Variants in TJP1 observed in about 807,000 individuals in gnomAD.
The protein encoded by TJP1 is tight junction protein ZO-1.
In TJP1, 43 loss-of-function variants were observed where a neutral mutation model predicts 194.2. The ratio of observed to expected loss-of-function variants is 0.22; its 90% CI spans 0.17 to 0.29. The LOEUF (loss-of-function observed/expected upper bound fraction) is 0.29. Ranked by LOEUF, TJP1 falls within the 10% of genes least tolerant of loss-of-function variation. The probability of loss-of-function intolerance (pLI) is 1.00; values close to 1 mark genes in which losing one functional copy is unlikely to be tolerated. For missense variants in TJP1, 1,971 were observed against 2,185.7 expected, an observed-to-expected ratio of 0.90 and a Z score of 1.96; for synonymous variants, 801 against 779.0, an observed-to-expected ratio of 1.03 and a Z score of -0.47.
intron 2 of TJP1, among the ~76,000 whole-genome samples, chr15:29,925,172 C>G (rs2054487067): frequency 6.6e-6 from 1 of 152,228 alleles, no homozygotes; most frequent in Non-Finnish European, 1.5e-5. Context: ...AGAGGGGCAG[C>G]AACCAGTCCT....
At chr15:29,775,312 C>T (rs939260675) in intron 2 of TJP1, among the ~76,000 whole-genome samples, 1 of 114,708 alleles carries the variant, frequency 8.7e-6, no homozygotes, top group African/African-American at 3.3e-5. Flanking sequence ...GGCGAAAGTC[C>T]TCCATTTAAT....
intron 2 of TJP1, among the ~76,000 whole-genome samples, chr15:29,780,615 T>C (rs191300113): frequency 5.3e-5 from 8 of 152,234 alleles, no homozygotes; most frequent in Non-Finnish European, 4.4e-5. Flanking sequence ...TAATGGATAC[T>C]GAGTAGCAGA....
At chr15:29,878,490 A>G (rs532205811) in intron 2 of TJP1, among the ~76,000 whole-genome samples, 1 of 152,292 alleles carries the variant, frequency 6.6e-6, no homozygotes, top group South Asian at 2.1e-4. Context: ...TCAAATAAAT[A>G]CCTCATTTTT....
Position 29,822,265 on chromosome 15 carries a change from C to G in TJP1, c.-237G>C. 1.7e-6 allele frequency: 2 copies of G among 1,159,544 alleles called. No individual in the cohort carries two copies. Among genetic ancestry groups the G allele is most frequent in the Non-Finnish European group, 2.1e-6 (2 of 941,198 alleles). The allele number at this position is 1,159,544 out of a possible 1,614,324, so 71.8% of individuals were successfully genotyped here. A position where few individuals can be genotyped will look rare whatever the true frequency, so the allele number is the denominator to read the frequency against. ...GGCGCGCCCGACCGGCACCTCCCTC[C>G]GAGCGCGGCCACCCACTCGGCCTCC... On this transcript the variant is annotated 5_prime_UTR_variant, in exon 1 of 28. Coordinates refer to ENST00000614355, the MANE Select transcript of TJP1 (RefSeq NM_001330239.4).
At chr15:29,914,431 C>A (rs2054119342) in intron 2 of TJP1, among the ~76,000 whole-genome samples, 1 of 152,124 alleles carries the variant, frequency 6.6e-6, no homozygotes, top group Non-Finnish European at 1.5e-5. Flanking sequence ...AGCCAGGCAG[C>A]AGCAGGACAG....
intron 18 of TJP1, among the ~76,000 whole-genome samples, chr15:29,724,195 G>A (rs540485639): frequency 1.3e-5 from 2 of 152,254 alleles, no homozygotes; most frequent in East Asian, 3.9e-4. Context: ...CTGCCTTCCT[G>A]ATAAGAAAGA....
At chr15:29,756,606 GT>G (rs1407114816) in intron 8 of TJP1, among the ~76,000 whole-genome samples, 3 of 152,108 alleles carry the variant, frequency 2.0e-5, no homozygotes, top group Non-Finnish European at 4.4e-5. Context: ...AAGCTTGTGT[GT>G]TTTTCTCAGA....
At chr15:29,743,678 G>C (rs2044575124) in intron 8 of TJP1, among the ~76,000 whole-genome samples, 1 of 152,110 alleles carries the variant, frequency 6.6e-6, no homozygotes, top group Admixed American at 6.5e-5. Flanking sequence ...AGTGAGCTAT[G>C]ATAGAGCCAC....
intron 25 of TJP1, among the ~76,000 whole-genome samples, chr15:29,706,895 TC>T (rs1222688776): frequency 6.6e-6 from 1 of 152,100 alleles, no homozygotes; most frequent in Non-Finnish European, 1.5e-5. Context: ...CTTCCAGTGA[TC>T]CGCCCGCCTC....
At chr15:29,828,398 CA>C (rs1191359286) in intron 2 of TJP1, among the ~76,000 whole-genome samples, 1 of 151,230 alleles carries the variant, frequency 6.6e-6, no homozygotes, top group Non-Finnish European at 1.5e-5. Flanking sequence ...ACAACAACAA[CA>C]AAAAAATATA....
At chr15:29,744,406 A>G (rs1239610270) in intron 8 of TJP1, among the ~76,000 whole-genome samples, 5 of 152,232 alleles carry the variant, frequency 3.3e-5, no homozygotes, top group Non-Finnish European at 5.9e-5. Flanking sequence ...AAACATTTAT[A>G]AGAACATTCA....
At chr15:29,941,195 C>A (rs1039886038) in intron 2 of TJP1, among the ~76,000 whole-genome samples, 1 of 152,218 alleles carries the variant, frequency 6.6e-6, no homozygotes, top group Non-Finnish European at 1.5e-5. Context: ...GCCTTCCCCA[C>A]CTGCTTGAGG....
rs769004884 is a variant in TJP1 at position 29,761,145 on chromosome 15, T to C, written c.1004A>G (p.Asn335Ser). The C allele has an allele frequency of 4.3e-5, 69 of 1,596,388 alleles. No homozygotes were observed. The Middle Eastern group carries it at 3.7e-3, about 85-fold the overall frequency. The change falls in exon 8 of 28, where the codon AAT becomes AGT. Residue 335 changes from asparagine (N) to serine (S), a missense_variant. By Grantham distance (46) the Asn-to-Ser change is conservative. Transcript: ENST00000614355. ...AAAAAATAGGGTGTCTTACCTGCCA[T>C]TGCTTGGCTGCTGCGGCGAGTGCCT... ...HSRHSPQQPSNGSLRSRDEER... is the reference protein window; with the variant it reads ...HSRHSPQQPSSGSLRSRDEER...
Position 29,900,379 on chromosome 15 carries a change from C to T in TJP1, c.306+55853G>A, listed in dbSNP as rs540914266. 2.0e-5 allele frequency among the ~76,000 whole-genome samples: 3 copies of T among 152,296 alleles called. No homozygotes were observed. The South Asian group carries it at 6.2e-4, about 32-fold the overall frequency. On this transcript the variant is annotated intron_variant, in intron 2 of 28. Coordinates refer to the TJP1 transcript ENST00000356107. Reference sequence around the variant, plus strand: ...AGTGCAGCTTACCTTTAACAGGATCCTTCTGGTTCTCTGAGGGGTGCAGTG... The same window carrying T: ...AGTGCAGCTTACCTTTAACAGGATCTTTCTGGTTCTCTGAGGGGTGCAGTG...
At chr15:29,824,819 A>G (rs2050629881), upstream of TJP1, among the ~76,000 whole-genome samples, 1 of 152,204 alleles carries the variant, frequency 6.6e-6, no homozygotes, top group Admixed American at 6.5e-5. Context: ...AAGTTGCCCA[A>G]TGTGTAATTT....
At chr15:29,720,138 A>G in intron 19 of TJP1, 122 bp from the exon 20 acceptor site, 2 of 1,354,626 alleles carry the variant, frequency 1.5e-6, no homozygotes, top group African/African-American at 1.5e-5. Flanking sequence ...TTATGACCTC[A>G]TGTCCTAAAC....
chr15:29,745,314 A>AC (rs2044694744), intron 8 of TJP1, among the ~76,000 whole-genome samples: 1 of 151,394 alleles, frequency 6.6e-6, no homozygotes, highest in African/African-American at 2.4e-5. Flanking sequence ...AAAAAAAAAA[A>AC]AAACTTAATG....
At chr15:29,861,798 C>G (rs2052091213) in intron 2 of TJP1, among the ~76,000 whole-genome samples, 1 of 152,160 alleles carries the variant, frequency 6.6e-6, no homozygotes, top group African/African-American at 2.4e-5. Flanking sequence ...AATGCCTGTT[C>G]TCTTTACTGA....
intron 2 of TJP1, among the ~76,000 whole-genome samples, chr15:29,827,781 T>C (rs1431146310): frequency 1.3e-5 from 2 of 152,164 alleles, no homozygotes; most frequent in Non-Finnish European, 2.9e-5. Flanking sequence ...TTAATGACAC[T>C]TTTTTCCTCC....
Sources: allele counts gnomAD v4.1 joint callset (sites outside exome capture counted in the v4.1 genomes callset), GRCh38; gene constraint gnomAD v4.1.1; transcripts MANE v1.5; gene names NCBI Gene and HGNC (gene_info 2026-07-23, HGNC 2026-07-21).